Variants in ZCWPW1 observed in about 807,000 individuals in gnomAD.
The protein encoded by ZCWPW1 is zinc finger CW-type and PWWP domain containing 1.
In ZCWPW1, 56 loss-of-function variants were observed where a neutral mutation model predicts 81.3. That is an observed-to-expected ratio of 0.69 (90% CI 0.56 to 0.86). ZCWPW1 has a LOEUF of 0.86. Ranked by LOEUF, ZCWPW1 falls within the 40% of genes least tolerant of loss-of-function variation. The pLI is 0.00. For synonymous variants in ZCWPW1, 250 were observed against 273.7 expected, an observed-to-expected ratio of 0.91 and a Z score of 0.86; for missense variants, 650 against 769.8, an observed-to-expected ratio of 0.84 and a Z score of 1.84.
At chr7:100,402,382 T>A (rs375598350) in intron 16 of ZCWPW1, 134 bp downstream of exon 16, 2 of 988,254 alleles carry the variant, frequency 2.0e-6, no homozygotes, top group Non-Finnish European at 3.3e-6. Context: ...CATGACACTA[T>A]GGGTGAGTGT....
intron 2 of ZCWPW1, 128 bp downstream of exon 2, chr7:100,424,902 G>C (rs1797030411): frequency 2.6e-5 from 4 of 152,138 alleles, no homozygotes; most frequent in Admixed American, 2.6e-4. Context: ...CAACCAACTA[G>C]ATAGAATTGT....
chr7:100,403,693 C>T lies in ZCWPW1; in HGVS notation c.1413+1G>A. 6 of 1,608,868 alleles carry T rather than the reference C, an allele frequency of 3.7e-6. No homozygotes were observed. Among genetic ancestry groups the T allele is most frequent in the Non-Finnish European group, 5.1e-6 (6 of 1,177,126 alleles). ...AAAACTGAAATTAAAGCTAATCTTACTGTTTTCTCTCCTTCCTCCTTTTCC... is the reference window on the plus strand; with the variant it reads ...AAAACTGAAATTAAAGCTAATCTTATTGTTTTCTCTCCTTCCTCCTTTTCC... On this transcript the variant is annotated splice_donor_variant, in intron 15 of 17. Transcript: ENST00000684423. LOFTEE classifies it high-confidence loss of function.
intron 5 of ZCWPW1, among the ~76,000 whole-genome samples, chr7:100,418,238 C>T (rs564627090): frequency 7.4e-4 from 112 of 152,186 alleles, no homozygotes; most frequent in Non-Finnish European, 1.2e-3. Context: ...CATGCAAAAT[C>T]GGTATTAGAA....
In ZCWPW1 at chr7:100,407,218, G is replaced by T; in HGVS notation, c.1068+10C>A. The T allele has an allele frequency of 1.2e-6, 2 of 1,613,604 alleles. No homozygotes were observed. Among genetic ancestry groups the T allele is most frequent in the Non-Finnish European group, 1.7e-6 (2 of 1,179,716 alleles). The stretch of plus-strand genomic sequence containing the variant: ...CTGAGCTCCTTCTTACCCTGAACCA[G>T]GAAACTCACCGGCAGGGAATCAAGA... On this transcript the variant is annotated intron_variant, in intron 11 of 17. Transcript: ENST00000684423.
In ZCWPW1 at chr7:100,408,553, T is replaced by C. The variant is rs1793530980; in HGVS notation, c.978A>G (p.Gln326=). The part of the protein sequence containing the change: ...YIPGSIIWAK[Q]YGYPWWPGMI... ...TAATGCCCTACCAGGGGTAACCGTA[T>C]TGCTTGGCCCAGATGATGGATCCTG... Residue 326 remains glutamine (Q), a synonymous_variant, in exon 10 of 18, where the codon CAA becomes CAG. Coordinates refer to ENST00000684423, the MANE Select transcript of ZCWPW1 (RefSeq NM_001386010.1). 1.2e-6 allele frequency: 2 copies of C among 1,613,896 alleles called. No individual in the cohort carries two copies. The highest frequency in any genetic ancestry group is 1.7e-4 in the Middle Eastern group (1 of 6,058).
At chr7:100,404,029 G>A in intron 14 of ZCWPW1, 149 bp downstream of exon 14, 1 of 867,464 alleles carries the variant, frequency 1.2e-6, no homozygotes, top group Non-Finnish European at 1.8e-6. Flanking sequence ...CCTAGATACT[G>A]GGTCAATGAC....
chr7:100,427,763 GAGA>G (rs141460009), intron 1 of ZCWPW1, among the ~76,000 whole-genome samples: 4,972 of 150,886 alleles, frequency 0.033, 284 homozygotes, highest in African/African-American at 0.11. Context: ...AAGTTTTGCA[GAGA>G]AGTTCTTCCC....
intron 2 of ZCWPW1, among the ~76,000 whole-genome samples, chr7:100,421,254 A>G (rs1235074215): frequency 3.9e-5 from 6 of 152,236 alleles, no homozygotes; most frequent in South Asian, 2.1e-4. Flanking sequence ...AGGCAGCAGA[A>G]ATGGTAGTAG....
intron 1 of ZCWPW1, 147 bp from the exon 2 acceptor site, chr7:100,425,283 G>A (rs1412899555): frequency 2.0e-5 from 3 of 152,226 alleles, no homozygotes; most frequent in African/African-American, 7.2e-5. Flanking sequence ...TCTTACCTTA[G>A]ATGAAGAGGG....
intron 3 of ZCWPW1, 57 bp from the exon 4 acceptor site, chr7:100,419,940 C>A: frequency 1.5e-6 from 2 of 1,371,434 alleles, no homozygotes; most frequent in South Asian, 1.4e-5. Context: ...CAGAGATTGC[C>A]AAACATTACC....
intron 9 of ZCWPW1, 55 bp downstream of exon 9, chr7:100,409,373 G>T: frequency 1.4e-6 from 2 of 1,380,766 alleles, no homozygotes; most frequent in Non-Finnish European, 2.1e-6. Context: ...TAAGTGCAGA[G>T]AAAGAAAGGG....
chr7:100,425,828 T>C (rs964382071), intron 1 of ZCWPW1, among the ~76,000 whole-genome samples: 1 of 152,256 alleles, frequency 6.6e-6, no homozygotes, highest in Non-Finnish European at 1.5e-5. Context: ...ATATTTATTA[T>C]TGTTATTTCT....
Position 100,406,779 on chromosome 7 carries a change from A to C in ZCWPW1, c.1088T>G (p.Phe363Cys), listed in dbSNP as rs1793097707. The C allele has an allele frequency of 6.2e-7, 1 of 1,614,038 alleles. No individual in the cohort carries two copies. The highest frequency in any genetic ancestry group is 1.1e-5 in the South Asian group (1 of 91,084). The change falls in exon 12 of 18, where the codon TTT (phenylalanine) becomes TGT (cysteine). Residue 363 changes from phenylalanine to cysteine, a missense_variant. Physicochemically the swap from Phe to Cys is radical, Grantham distance 205. Coordinates refer to ENST00000684423, the MANE Select transcript of ZCWPW1 (RefSeq NM_001386010.1). ...DSLPSKYHVTFFGETVSRAWI... is the reference protein window; with the variant it reads ...DSLPSKYHVTCFGETVSRAWI... ...TGCACGAGAAACTGTTTCTCCAAAA[A>C]ACGTCACATGGTACTTAGACTGAAA...
chr7:100,408,822 G>GGAAATGCAGCTAGAACCAGCT (rs1793582751), intron 9 of ZCWPW1, among the ~76,000 whole-genome samples, 163 bp from the exon 10 acceptor site: 1 of 149,180 alleles, frequency 6.7e-6, no homozygotes, highest in Admixed American at 6.6e-5. Context: ...GACCCATGGA[G>GGAAATGCAGCTAGAACCAGCT]GAAATGCAGC....
intron 8 of ZCWPW1, 65 bp from the exon 9 acceptor site, chr7:100,409,609 A>T: frequency 8.3e-7 from 1 of 1,201,316 alleles, no homozygotes; most frequent in Non-Finnish European, 1.2e-6. Context: ...AATCCAACTA[A>T]AATCAGGATA....
intron 1 of ZCWPW1, among the ~76,000 whole-genome samples, chr7:100,427,015 TCCCCCTCC>T (rs1269196953): frequency 3.2e-4 from 1 of 3,164 alleles, no homozygotes; most frequent in African/African-American, 1.9e-3. Flanking sequence ...TCCCGTTTCC[TCCCCCTCC>T]TCCCTCCCTC....
At chr7:100,423,854 A>C (rs1448860207) in intron 2 of ZCWPW1, among the ~76,000 whole-genome samples, 1 of 152,158 alleles carries the variant, frequency 6.6e-6, no homozygotes, top group Non-Finnish European at 1.5e-5. Context: ...GGATCACCTG[A>C]GGTCAGGAGT....
intron 8 of ZCWPW1, 33 bp from the exon 9 acceptor site, chr7:100,409,577 A>C (rs1793770822): frequency 1.4e-6 from 2 of 1,467,014 alleles, no homozygotes; most frequent in South Asian, 2.3e-5. Flanking sequence ...TAAGAGACTT[A>C]AAAATATGCT....
intron 15 of ZCWPW1, among the ~76,000 whole-genome samples, chr7:100,403,466 C>T (rs990662223): frequency 5.9e-5 from 9 of 151,876 alleles, no homozygotes; most frequent in East Asian, 2.0e-4. Context: ...CCGCTTCCCT[C>T]GGCCTCCCAA....
Sources: gnomAD v4.1 joint callset for allele counts (sites outside exome capture counted in the v4.1 genomes callset) on GRCh38, gnomAD v4.1.1 for gene constraint, MANE v1.5 for transcripts, NCBI Gene and HGNC (gene_info 2026-07-23, HGNC 2026-07-21) for gene names.